PAX2: variants seen among roughly 807,000 people sequenced by gnomAD.
PAX2 encodes paired box 2, also known as paired box protein Pax-2.
PAX2 carries 9 observed loss-of-function variants against 41.7 expected under a neutral mutation model. The observed-to-expected ratio is 0.22, with a 90% CI of 0.13 to 0.38. The LOEUF is 0.38. PAX2 is among the 10% of genes least tolerant of loss of function. PAX2 has a pLI of 1.00. For synonymous variants in PAX2, 221 were observed against 212.7 expected (o/e 1.04, Z -0.34); for missense variants, 418 against 531.6 (o/e 0.79, Z 2.10).
chr10:100,794,085 CAG>C (rs1847236274), intron 5 of PAX2, among the ~76,000 whole-genome samples: 1 of 152,130 alleles, frequency 6.6e-6, no homozygotes, highest in Non-Finnish European at 1.5e-5. Flanking sequence ...GGTGACAAGG[CAG>C]AGTGTCAGAT....
At chr10:100,790,972 A>G (rs1251731236) in intron 5 of PAX2, among the ~76,000 whole-genome samples, 1 of 152,176 alleles carries the variant, frequency 6.6e-6, no homozygotes, top group Non-Finnish European at 1.5e-5. Context: ...AATTCAAACC[A>G]TCCTGACCCT....
intron 5 of PAX2, among the ~76,000 whole-genome samples, chr10:100,794,347 A>G (rs1011699091): frequency 6.6e-6 from 1 of 152,226 alleles, no homozygotes; most frequent in African/African-American, 2.4e-5. Flanking sequence ...ATTACATAAT[A>G]TCTCTGAATC....
At chr10:100,780,344 G>A (rs1846567482) in intron 4 of PAX2, among the ~76,000 whole-genome samples, 1 of 152,196 alleles carries the variant, frequency 6.6e-6, no homozygotes, top group African/African-American at 2.4e-5. Flanking sequence ...GGCCCAAGGA[G>A]AAACTTGGTG....
chr10:100,808,716 C>T (rs1404330048), intron 6 of PAX2, among the ~76,000 whole-genome samples: 1 of 152,188 alleles, frequency 6.6e-6, no homozygotes. Flanking sequence ...CCCACTAGGC[C>T]CTTCTCCCAG....
In PAX2 at chr10:100,791,614, G is replaced by A. The variant is rs1847122204; in HGVS notation, c.616+10249G>A. The stretch of plus-strand genomic sequence containing the variant: ...AGAAAGTGTGAGCAGGAGAGCAAGC[G>A]AGCCAGTGACAGAGGGAGAGATGCG... On this transcript the variant is annotated intron_variant, in intron 5 of 9. Coordinates refer to ENST00000355243, the MANE Select transcript of PAX2 (RefSeq NM_000278.5). The surrounding 1 kb of genome is among the most constrained non-coding windows in gnomAD (Gnocchi z 4.5). Among the ~76,000 whole-genome samples, 1 of 152,172 alleles carries A rather than the reference G, an allele frequency of 6.6e-6. No individual in the cohort carries two copies. The highest frequency in any genetic ancestry group is 6.5e-5 in the Admixed American group (1 of 15,282).
chr10:100,820,720 C>T (rs1351920032), intron 7 of PAX2, among the ~76,000 whole-genome samples: 2 of 152,150 alleles, frequency 1.3e-5, no homozygotes, highest in South Asian at 2.1e-4. Context: ...TCTCAAAAAA[C>T]GAAAAACAAA....
chr10:100,793,281 C>T (rs939367266), intron 5 of PAX2, among the ~76,000 whole-genome samples: 1 of 152,216 alleles, frequency 6.6e-6, no homozygotes, highest in Admixed American at 6.5e-5. Context: ...GACTGCATAC[C>T]AGTGCTCCCA....
intron 7 of PAX2, among the ~76,000 whole-genome samples, chr10:100,816,402 G>A (rs75203162): frequency 2.6e-5 from 4 of 152,236 alleles, no homozygotes; most frequent in South Asian, 2.1e-4. Flanking sequence ...TTTTTAGTCC[G>A]TTATTTGGTA....
chr10:100,749,048 T>TTG (rs1297820795), intron 1 of PAX2: 1 of 985,324 alleles, frequency 1.0e-6, no homozygotes, highest in Non-Finnish European at 1.2e-6. Flanking sequence ...TCCGCCTTCC[T>TTG]TGCTCTACTT....
chr10:100,817,849 C>T (rs142668340), intron 7 of PAX2, among the ~76,000 whole-genome samples: 24 of 152,302 alleles, frequency 1.6e-4, no homozygotes, highest in African/African-American at 5.3e-4. Flanking sequence ...TAGTTATTTT[C>T]CTCTCCTTTT....
chr10:100,825,372 C>G (rs369978004), intron 8 of PAX2, among the ~76,000 whole-genome samples: 22 of 152,238 alleles, frequency 1.4e-4, no homozygotes, highest in African/African-American at 4.6e-4. Context: ...CATTGCTTCC[C>G]TGGGGCTCTG....
In PAX2 at chr10:100,750,277, C is replaced by A. The variant is rs1031210347; in HGVS notation, c.212+363C>A. ...AATGGGTCCCCGAGAGGAGAAGCAG[C>A]AGCATTTGGGAGGCAGAAGGAGGGT... is the stretch of plus-strand genomic sequence containing the variant. On this transcript the variant is annotated intron_variant, in intron 2 of 9. Coordinates refer to ENST00000355243, the MANE Select transcript of PAX2 (RefSeq NM_000278.5). This position sits in a 1 kb window ranked among gnomAD's most constrained non-coding sequence, Gnocchi z 4.1. Among the ~76,000 whole-genome samples the A allele has an allele frequency of 6.6e-5, 10 of 152,004 alleles. No individual in the cohort carries two copies. Among genetic ancestry groups the A allele is most frequent in the Admixed American group, 6.5e-4 (10 of 15,268 alleles).
Position 100,827,453 on chromosome 10 carries a change from AG to A in PAX2, c.1109-86del. 1 of 1,311,288 alleles carries A rather than the reference AG, an allele frequency of 7.6e-7. No individual in the cohort carries two copies. Among genetic ancestry groups the A allele is most frequent in the Non-Finnish European group, 1.1e-6 (1 of 905,682 alleles). 81.2% of individuals were successfully genotyped at this position (1,311,288 alleles called of 1,614,324 possible). ...GTCCGGATCCCGCTGGACCCCAGCCAGGGGAGGTCTTTTCTGTGCTTTTCTT... is the reference window on the plus strand; with the variant it reads ...GTCCGGATCCCGCTGGACCCCAGCCAGGGAGGTCTTTTCTGTGCTTTTCTT... On this transcript the variant is annotated intron_variant, in intron 9 of 9. Coordinates refer to ENST00000355243, the MANE Select transcript of PAX2 (RefSeq NM_000278.5). The surrounding 1 kb of genome is among the most constrained non-coding windows in gnomAD (Gnocchi z 8.5).
intron 3 of PAX2, 121 bp from the exon 4 acceptor site, chr10:100,779,377 A>T (rs1483290797): frequency 1.8e-5 from 15 of 839,800 alleles, no homozygotes; most frequent in Middle Eastern, 2.2e-4. Flanking sequence ...GGACACAGGG[A>T]GCAGATGGAT....
chr10:100,781,696 A>G (rs541723048), intron 5 of PAX2, among the ~76,000 whole-genome samples: 63 of 152,190 alleles, frequency 4.1e-4, no homozygotes, highest in Non-Finnish European at 8.1e-4. Flanking sequence ...CTCTGGCCTG[A>G]GGATGAAAGG....
At chr10:100,796,310 G>A (rs74152677) in intron 5 of PAX2, among the ~76,000 whole-genome samples, 9 of 152,038 alleles carry the variant, frequency 5.9e-5, no homozygotes, top group Non-Finnish European at 1.3e-4. Flanking sequence ...CATATAAACA[G>A]CTTCATGTCT....
chr10:100,806,350 T>TGCCC, intron 5 of PAX2, 80 bp from the exon 6 acceptor site: 1 of 1,455,048 alleles, frequency 6.9e-7, no homozygotes, highest in Non-Finnish European at 9.6e-7. Flanking sequence ...CGGAACCAGA[T>TGCCC]GCCCACCTCT....
chr10:100,814,457 A>T (rs886745951), intron 7 of PAX2, among the ~76,000 whole-genome samples: 1 of 151,958 alleles, frequency 6.6e-6, no homozygotes, highest in Non-Finnish European at 1.5e-5. Flanking sequence ...AAATTGTCAG[A>T]TAATGGAGAT....
rs1301322322 is a variant in PAX2 at position 100,829,596 on chromosome 10, G to T, written c.*1977G>T. The T allele has an allele frequency of 6.8e-5, 14 of 206,740 alleles. No homozygotes were observed. The highest frequency in any genetic ancestry group is 1.4e-4 in the Non-Finnish European group (14 of 100,614). 12.8% of individuals were successfully genotyped at this position (206,740 alleles called of 1,614,324 possible). On this transcript the variant is annotated 3_prime_UTR_variant, in exon 10 of 10. Coordinates refer to ENST00000355243, the MANE Select transcript of PAX2 (RefSeq NM_000278.5). ...AAAATCCTTGAACAAATCCGAAAAG[G>T]CTTGGAGTCCTCGCCCAGATCTCTC...
Sources: gnomAD v4.1 joint callset for allele counts (sites outside exome capture counted in the v4.1 genomes callset) on GRCh38, gnomAD v4.1.1 for gene constraint, Gnocchi (gnomAD v3.1) non-coding constraint, MANE v1.5 for transcripts, NCBI Gene and HGNC (gene_info 2026-07-23, HGNC 2026-07-21) for gene names.